Variants in SLC35F3 observed in about 807,000 individuals in gnomAD.
The protein encoded by SLC35F3 is solute carrier family 35 member F3, also known as putative thiamine transporter SLC35F3.
Under a neutral mutation model 49.9 loss-of-function variants are expected in SLC35F3, and 25 were observed. The ratio of observed to expected loss-of-function variants is 0.50; its 90% confidence interval spans 0.37 to 0.70. SLC35F3 has a LOEUF of 0.70. Ranked by LOEUF, SLC35F3 falls within the 30% of genes least tolerant of loss-of-function variation. The pLI, the probability that SLC35F3 is intolerant of heterozygous loss-of-function variation, is 0.00. For missense variants in SLC35F3, 525 were observed against 639.8 expected (o/e 0.82, Z 1.94); for synonymous variants, 275 against 265.4 (o/e 1.04, Z -0.35).
At chr1:234,043,194 C>A (rs910583791) in intron 2 of SLC35F3, among the ~76,000 whole-genome samples, 1 of 152,196 alleles carries the variant, frequency 6.6e-6, no homozygotes, top group African/African-American at 2.4e-5. Flanking sequence ...AGTGACCTTA[C>A]ACTTGATGTT....
At chr1:233,976,867 T>A (rs1353397625) in intron 2 of SLC35F3, among the ~76,000 whole-genome samples, 1 of 152,172 alleles carries the variant, frequency 6.6e-6, no homozygotes, top group Non-Finnish European at 1.5e-5. Flanking sequence ...CACCTCGGCC[T>A]CCCCAAGTGC....
chr1:233,982,612 G>C (rs1317814713), intron 2 of SLC35F3, among the ~76,000 whole-genome samples: 1 of 152,138 alleles, frequency 6.6e-6, no homozygotes, highest in African/African-American at 2.4e-5. Context: ...GACCTCAGGT[G>C]ATCCGCCCAC....
intron 3 of SLC35F3, among the ~76,000 whole-genome samples, chr1:234,268,067 G>A (rs1668026503): frequency 6.6e-6 from 1 of 152,054 alleles, no homozygotes; most frequent in Non-Finnish European, 1.5e-5. Flanking sequence ...GCCGGGCAGA[G>A]GCTGCAATCT....
chr1:233,918,751 A>G (rs567476195), intron 2 of SLC35F3, among the ~76,000 whole-genome samples: 4 of 151,782 alleles, frequency 2.6e-5, no homozygotes, highest in East Asian at 3.9e-4. Flanking sequence ...GGGTGACAAG[A>G]GTGAGACTCC....
intron 2 of SLC35F3, among the ~76,000 whole-genome samples, chr1:234,125,288 ATC>A (rs1665630440): frequency 6.6e-6 from 1 of 152,048 alleles, no homozygotes; most frequent in African/African-American, 2.4e-5. Flanking sequence ...CGACCCCCGA[ATC>A]TCAACAATTA....
chr1:233,995,462 C>T lies in SLC35F3; in HGVS notation c.283+89704C>T, dbSNP rs143887325. 1.4e-4 allele frequency among the ~76,000 whole-genome samples: 21 copies of T among 152,222 alleles called. No homozygotes were observed. In the East Asian group the frequency reaches 3.7e-3, roughly 27 times the overall value. On this transcript the variant is annotated intron_variant, in intron 2 of 7. Transcript: ENST00000366618. ...GCCTGTATATTCCCATATTCATGGG[C>T]GAGCATTTATTTTAAATGAAGTGTT...
At chr1:234,082,685 T>C (rs570400967) in intron 2 of SLC35F3, among the ~76,000 whole-genome samples, 37 of 152,316 alleles carry the variant, frequency 2.4e-4, no homozygotes, top group African/African-American at 8.9e-4. Flanking sequence ...TTTAATGGAC[T>C]CACAGTTTCA....
chr1:234,202,388 A>G (rs1666912360), intron 2 of SLC35F3, among the ~76,000 whole-genome samples: 1 of 152,262 alleles, frequency 6.6e-6, no homozygotes, highest in Non-Finnish European at 1.5e-5. Flanking sequence ...GAATTGTGTC[A>G]TAGTTTGTTC....
chr1:234,154,061 CAA>C (rs918071713), intron 2 of SLC35F3, among the ~76,000 whole-genome samples: 2 of 136,848 alleles, frequency 1.5e-5, no homozygotes, highest in African/African-American at 2.7e-5. Flanking sequence ...GACTCCGTCT[CAA>C]AAAAAAAAAC....
At chr1:234,287,408 A>G (rs575671474) in intron 3 of SLC35F3, among the ~76,000 whole-genome samples, 1 of 152,290 alleles carries the variant, frequency 6.6e-6, no homozygotes, top group African/African-American at 2.4e-5. Context: ...TGGTTCCACA[A>G]CGGCCCACCA....
Position 234,223,978 on chromosome 1 carries a change from T to A in SLC35F3, c.284-7439T>A, listed in dbSNP as rs191249270. 2.0e-5 allele frequency among the ~76,000 whole-genome samples: 3 copies of A among 152,262 alleles called. No individual in the cohort carries two copies. The East Asian group carries it at 5.8e-4, about 29-fold the overall frequency. Reference sequence around the variant, plus strand: ...GAGATAGAAAACAAACTCCCTGATGTCTCTTCTTATAAGAAAACTAATCCT... The same window carrying A: ...GAGATAGAAAACAAACTCCCTGATGACTCTTCTTATAAGAAAACTAATCCT... On this transcript the variant is annotated intron_variant, in intron 2 of 7. Transcript: ENST00000366618.
chr1:234,138,380 G>A (rs1237282906), intron 2 of SLC35F3, among the ~76,000 whole-genome samples: 1 of 152,060 alleles, frequency 6.6e-6, no homozygotes, highest in Non-Finnish European at 1.5e-5. Context: ...GGAGGAGGAG[G>A]GTCAATGGTT....
intron 2 of SLC35F3, among the ~76,000 whole-genome samples, chr1:234,064,891 G>A (rs1457233301): frequency 1.3e-5 from 2 of 152,070 alleles, no homozygotes; most frequent in African/African-American, 4.8e-5. Context: ...TTGAAAGCCG[G>A]CCAGAATAGG....
chr1:234,095,158 A>C (rs1437557357), intron 2 of SLC35F3, among the ~76,000 whole-genome samples: 7 of 152,176 alleles, frequency 4.6e-5, no homozygotes, highest in Non-Finnish European at 8.8e-5. Context: ...TTACTCCCAG[A>C]GAAGAAGAGA....
chr1:234,197,200 G>A (rs1270646619), intron 2 of SLC35F3, among the ~76,000 whole-genome samples: 1 of 152,160 alleles, frequency 6.6e-6, no homozygotes, highest in Non-Finnish European at 1.5e-5. Context: ...ATCAAAGTTA[G>A]GCTCCTACCC....
At chr1:234,260,674 C>A (rs188069815) in intron 3 of SLC35F3, among the ~76,000 whole-genome samples, 44 of 152,308 alleles carry the variant, frequency 2.9e-4, no homozygotes, top group Admixed American at 2.9e-3. Context: ...AGAGCCTCAT[C>A]TTTTTCATCT....
chr1:233,958,494 C>T (rs984284908), intron 2 of SLC35F3, among the ~76,000 whole-genome samples: 1 of 152,144 alleles, frequency 6.6e-6, no homozygotes, highest in Non-Finnish European at 1.5e-5. Flanking sequence ...AGGTGATCAC[C>T]ATAAGGATTT....
intron 3 of SLC35F3, among the ~76,000 whole-genome samples, chr1:234,246,858 A>C (rs985004540): frequency 2.0e-5 from 3 of 152,200 alleles, no homozygotes; most frequent in African/African-American, 7.2e-5. Flanking sequence ...TGCTCTGAGA[A>C]TTGGGAGGCC....
At chr1:234,146,052 TC>T (rs1303173059) in intron 2 of SLC35F3, among the ~76,000 whole-genome samples, 2 of 152,194 alleles carry the variant, frequency 1.3e-5, no homozygotes, top group African/African-American at 4.8e-5. Flanking sequence ...TGTAGGTGGA[TC>T]TTTTTTTCTT....
Sources: gnomAD v4.1 joint callset for allele counts (sites outside exome capture counted in the v4.1 genomes callset) on GRCh38, gnomAD v4.1.1 for gene constraint, MANE v1.5 for transcripts, NCBI Gene and HGNC (gene_info 2026-07-23, HGNC 2026-07-21) for gene names.